The following DLGAP2 variants were observed in gnomAD, a reference collection of about 807,000 sequenced individuals.
DLGAP2 encodes disks large-associated protein 2.
DLGAP2 carries 26 observed loss-of-function variants against 100.3 expected under a neutral mutation model. That is an observed-to-expected ratio of 0.26 (90% CI 0.19 to 0.36). The LOEUF is 0.36. Among genes scored for constraint, DLGAP2 ranks in the 10% least tolerant of loss-of-function variants. The probability of loss-of-function intolerance (pLI) is 1.00; values close to 1 mark genes in which losing one functional copy is unlikely to be tolerated. For missense variants in DLGAP2, 1,858 were observed against 1,453.2 expected (o/e 1.28, Z -4.53); for synonymous variants, 886 against 630.1 (o/e 1.41, Z -6.08).
chr8:1,217,255 C>A (rs148670057), intron 2 of DLGAP2, among the ~76,000 whole-genome samples: 1 of 152,292 alleles, frequency 6.6e-6, no homozygotes, highest in East Asian at 1.9e-4. Context: ...ATAATGGCCT[C>A]TAGCTGCCTC....
chr8:1,500,991 C>A (rs887924254), intron 3 of DLGAP2, among the ~76,000 whole-genome samples: 1 of 152,160 alleles, frequency 6.6e-6, no homozygotes, highest in African/African-American at 2.4e-5. Flanking sequence ...ATGGGACTCA[C>A]CCAGCTGGAA....
chr8:1,482,186 C>A lies in DLGAP2; in HGVS notation c.107-19180C>A, dbSNP rs76076818. 3.9e-5 allele frequency among the ~76,000 whole-genome samples: 6 copies of A among 152,304 alleles called. No homozygotes were observed. The East Asian group carries it at 1.2e-3, about 29-fold the overall frequency. ...ATGTCAAATGTGATGTGCTTGAGAACGTGTGGGTTTTAAGGATATTTTGAG... is the reference window on the plus strand; with the variant it reads ...ATGTCAAATGTGATGTGCTTGAGAAAGTGTGGGTTTTAAGGATATTTTGAG... On this transcript the variant is annotated intron_variant, in intron 3 of 14. Transcript: ENST00000637795.
At chr8:1,416,391 G>A (rs1796884829) in intron 3 of DLGAP2, among the ~76,000 whole-genome samples, 1 of 152,216 alleles carries the variant, frequency 6.6e-6, no homozygotes, top group Non-Finnish European at 1.5e-5. Flanking sequence ...CCTCTGCAGT[G>A]CAGCGATACT....
chr8:1,254,918 G>C (rs1203689746), intron 2 of DLGAP2, among the ~76,000 whole-genome samples: 3 of 150,720 alleles, frequency 2.0e-5, no homozygotes, highest in Non-Finnish European at 4.4e-5. Context: ...TCCTGCCCAG[G>C]TGCTGTGTGT....
At chr8:1,482,243 T>TG (rs1159776126) in intron 3 of DLGAP2, among the ~76,000 whole-genome samples, 1 of 152,210 alleles carries the variant, frequency 6.6e-6, no homozygotes, top group Non-Finnish European at 1.5e-5. Context: ...AGTCACTGTT[T>TG]CTCTTTTAAA....
At chr8:1,525,322 G>A (rs1800757723) in intron 4 of DLGAP2, among the ~76,000 whole-genome samples, 1 of 150,848 alleles carries the variant, frequency 6.6e-6, no homozygotes, top group Non-Finnish European at 1.5e-5. Context: ...ATTATCTAAT[G>A]TTTAGTTTTT....
In DLGAP2 at chr8:1,551,805, G is replaced by A. The variant is rs116369494; in HGVS notation, c.1230+2122G>A. Among the ~76,000 whole-genome samples, 1,351 of 152,220 alleles carry A rather than the reference G, an allele frequency of 8.9e-3. 27 individuals are homozygous for A. Among genetic ancestry groups the A allele is most frequent in the African/African-American group, 0.031 (1,296 of 41,522 alleles). ...GAGATCCACACGGAATGATGAGTAC[G>A]CTTTCTTTTGAAACATAACCACCTG... On this transcript the variant is annotated intron_variant, in intron 5 of 14. Transcript: ENST00000637795.
At chr8:1,144,988 C>T (rs945224780) in intron 2 of DLGAP2, among the ~76,000 whole-genome samples, 1 of 152,196 alleles carries the variant, frequency 6.6e-6, no homozygotes. Context: ...ACAGACAAAC[C>T]ACAAATGGCC....
intron 2 of DLGAP2, among the ~76,000 whole-genome samples, chr8:1,251,510 C>T (rs1360272714): frequency 6.6e-6 from 1 of 152,148 alleles, no homozygotes; most frequent in Non-Finnish European, 1.5e-5. Context: ...TATTTTGGCT[C>T]ACTGCAGCCT....
intron 2 of DLGAP2, among the ~76,000 whole-genome samples, chr8:1,020,590 C>T (rs540414951): frequency 8.5e-5 from 13 of 152,348 alleles, no homozygotes; most frequent in Admixed American, 3.9e-4. Flanking sequence ...AACGCATTGA[C>T]AGCATTGTCA....
rs549932036 is a variant in DLGAP2 at position 1,111,155 on chromosome 8, A to G, written c.74-147696A>G. 7.9e-5 allele frequency among the ~76,000 whole-genome samples: 12 copies of G among 152,292 alleles called. No individual in the cohort carries two copies. The South Asian group carries it at 2.3e-3, about 29-fold the overall frequency. ...CACTGATGGCAGGGCTGGAAATGCA[A>G]AGATGGCCAAGCTACAGAAAATAAA... On this transcript the variant is annotated intron_variant, in intron 2 of 14. Coordinates refer to ENST00000637795, the MANE Select transcript of DLGAP2 (RefSeq NM_001346810.2).
intron 2 of DLGAP2, among the ~76,000 whole-genome samples, chr8:1,118,703 G>A (rs1204257598): frequency 6.6e-6 from 1 of 152,124 alleles, no homozygotes; most frequent in Non-Finnish European, 1.5e-5. Context: ...TCTGCTATGA[G>A]GACCGAAAGA....
intron 1 of DLGAP2, among the ~76,000 whole-genome samples, chr8:764,507 G>T: frequency 6.6e-6 from 1 of 152,182 alleles, no homozygotes; most frequent in East Asian, 1.9e-4. Flanking sequence ...AGGATAACAA[G>T]TAGGAAATAC....
At chr8:933,052 A>G (rs1249685313) in intron 2 of DLGAP2, among the ~76,000 whole-genome samples, 1 of 152,186 alleles carries the variant, frequency 6.6e-6, no homozygotes, top group African/African-American at 2.4e-5. Context: ...TGGAGTTCCT[A>G]TGGACTCGTC....
At chr8:1,597,060 T>G (rs1283079408) in intron 6 of DLGAP2, among the ~76,000 whole-genome samples, 1 of 152,176 alleles carries the variant, frequency 6.6e-6, no homozygotes, top group African/African-American at 2.4e-5. Flanking sequence ...AAGGAAGGAG[T>G]CCAGTTTCAG....
chr8:1,317,148 G>C lies in DLGAP2; in HGVS notation c.106+58265G>C, dbSNP rs1200633801. Among the ~76,000 whole-genome samples, 4 of 132,094 alleles carry C rather than the reference G, an allele frequency of 3.0e-5. 1 individual carries two copies. Among genetic ancestry groups the C allele is most frequent in the Admixed American group, 2.5e-4 (3 of 12,150 alleles). 86.7% of individuals were successfully genotyped at this position (132,094 alleles called of 152,430 possible). A position where few individuals can be genotyped will look rare whatever the true frequency, so the allele number is the denominator to read the frequency against. On this transcript the variant is annotated intron_variant, in intron 3 of 14. Coordinates refer to ENST00000637795, the MANE Select transcript of DLGAP2 (RefSeq NM_001346810.2). The stretch of plus-strand genomic sequence containing the variant: ...GTCTCTCCAACAGTGGTCTACACTG[G>C]AGAAACTCGGCAGCTTTAAAAATAG...
At chr8:1,237,149 C>A (rs1190029742) in intron 2 of DLGAP2, among the ~76,000 whole-genome samples, 1 of 139,166 alleles carries the variant, frequency 7.2e-6, no homozygotes, top group East Asian at 2.0e-4. Flanking sequence ...CTAGTTCTCT[C>A]ACATGGCGCC....
intron 1 of DLGAP2, among the ~76,000 whole-genome samples, chr8:866,899 C>T (rs1797508762): frequency 6.6e-6 from 1 of 152,150 alleles, no homozygotes; most frequent in Non-Finnish European, 1.5e-5. Flanking sequence ...CCCCAACATG[C>T]CACGTTCCCA....
chr8:739,335 A>G (rs1416430624), intron 1 of DLGAP2: 1 of 152,302 alleles, frequency 6.6e-6, no homozygotes, highest in African/African-American at 2.4e-5. Flanking sequence ...CCGCCCTGTC[A>G]GGAGGAATCT....
Sources: gnomAD v4.1 joint callset for allele counts (sites outside exome capture counted in the v4.1 genomes callset) on GRCh38, gnomAD v4.1.1 for gene constraint, MANE v1.5 for transcripts, NCBI Gene and HGNC (gene_info 2026-07-23, HGNC 2026-07-21) for gene names.